The following PCSK5 variants were observed in gnomAD, a reference collection of about 807,000 sequenced individuals.
PCSK5 encodes proprotein convertase subtilisin/kexin type 5, also known as prohormone convertase 5.
Under a neutral mutation model 233.2 loss-of-function variants are expected in PCSK5, and 129 were observed. That is an observed-to-expected ratio of 0.55 (90% confidence interval 0.48 to 0.64). The LOEUF is 0.64. Among genes scored for constraint, PCSK5 ranks in the 30% least tolerant of loss-of-function variants. The pLI is 0.00. For synonymous variants in PCSK5, 825 were observed against 879.2 expected, an observed-to-expected ratio of 0.94 and a Z score of 1.09; for missense variants, 2,076 against 2,430.1, an observed-to-expected ratio of 0.85 and a Z score of 3.06.
In PCSK5 at chr9:76,067,980, G is replaced by A; in HGVS notation, c.658G>A (p.Val220Met). The stretch of plus-strand genomic sequence containing the variant: ...GCATGGGACTCGCTGTGCTGGAGAA[G>A]TGGCAGCCGCTGCAAACAATTCGCA... ...NKHGTRCAGE[V>M]AAAANNSHCT... Residue 220 changes from valine (V) to methionine (M), a missense_variant, in exon 6 of 38, where the codon GTG (valine) becomes ATG (methionine). Coordinates refer to ENST00000674117, the MANE Select transcript of PCSK5 (RefSeq NM_001372043.1). The A allele has an allele frequency of 6.2e-7, 1 of 1,613,996 alleles. No homozygotes were observed. The highest frequency in any genetic ancestry group is 8.5e-7 in the Non-Finnish European group (1 of 1,179,946).
At chr9:76,349,040 G>A (rs1423744619) in intron 35 of PCSK5, among the ~76,000 whole-genome samples, 6 of 152,218 alleles carry the variant, frequency 3.9e-5, no homozygotes, top group Middle Eastern at 6.8e-3. Flanking sequence ...GGGAGGCTGA[G>A]GTGGGAGGAT....
chr9:76,154,338 T>A (rs2131807328), intron 10 of PCSK5, among the ~76,000 whole-genome samples: 1 of 152,310 alleles, frequency 6.6e-6, no homozygotes, highest in Non-Finnish European at 1.5e-5. Context: ...AGTCTCAAGG[T>A]GCTTTTCTAC....
intron 1 of PCSK5, among the ~76,000 whole-genome samples, chr9:75,892,998 T>C (rs1002985215): frequency 6.6e-6 from 1 of 152,162 alleles, no homozygotes; most frequent in African/African-American, 2.4e-5. Context: ...TACTGGCTTC[T>C]TTTTCTCTGG....
chr9:76,261,465 T>A (rs777723179), intron 24 of PCSK5, among the ~76,000 whole-genome samples: 14 of 152,140 alleles, frequency 9.2e-5, no homozygotes, highest in Non-Finnish European at 1.5e-4. Context: ...AGTAGCATTT[T>A]TACACAGCAA....
chr9:75,967,613 G>A (rs1288081096), intron 2 of PCSK5, among the ~76,000 whole-genome samples: 1 of 152,192 alleles, frequency 6.6e-6, no homozygotes, highest in African/African-American at 2.4e-5. Context: ...CAGTTTAGTG[G>A]TAAGAGCATG....
At chr9:76,250,822 G>A (rs909994039) in intron 24 of PCSK5, among the ~76,000 whole-genome samples, 1 of 152,170 alleles carries the variant, frequency 6.6e-6, no homozygotes, top group Non-Finnish European at 1.5e-5. Context: ...TAAAAATAAA[G>A]GGCCTGATAG....
intron 2 of PCSK5, among the ~76,000 whole-genome samples, chr9:75,970,122 C>T (rs2131362817): frequency 6.6e-6 from 1 of 152,236 alleles, no homozygotes; most frequent in African/African-American, 2.4e-5. Context: ...ATCCGCCCAC[C>T]TTGGCCTCCC....
chr9:76,007,937 ATCTCTT>A (rs1486387961), intron 3 of PCSK5, among the ~76,000 whole-genome samples: 3 of 151,808 alleles, frequency 2.0e-5, no homozygotes, highest in Non-Finnish European at 2.9e-5. Flanking sequence ...TCACTTTCAT[ATCTCTT>A]TCTCCATCAA....
At chr9:76,029,458 A>G (rs1362796694) in intron 5 of PCSK5, among the ~76,000 whole-genome samples, 1 of 152,178 alleles carries the variant, frequency 6.6e-6, no homozygotes, top group African/African-American at 2.4e-5. Flanking sequence ...TCCAGTCCTT[A>G]TTTTTATTAA....
intron 6 of PCSK5, among the ~76,000 whole-genome samples, chr9:76,069,696 A>C (rs1034898382): frequency 6.6e-6 from 1 of 152,328 alleles, no homozygotes; most frequent in South Asian, 2.1e-4. Flanking sequence ...ATGACATAGA[A>C]ACTGAATTCA....
At chr9:75,934,793 C>T (rs1349826806) in intron 2 of PCSK5, among the ~76,000 whole-genome samples, 1 of 151,998 alleles carries the variant, frequency 6.6e-6, no homozygotes, top group East Asian at 1.9e-4. Context: ...TGCTGGCTAG[C>T]GACCTCAAGT....
At chr9:76,156,336 C>A (rs568043807) in intron 10 of PCSK5, among the ~76,000 whole-genome samples, 18 of 152,232 alleles carry the variant, frequency 1.2e-4, no homozygotes, top group Admixed American at 8.5e-4. Flanking sequence ...TAACTGAGAA[C>A]CAAAAGATTC....
At position 76,188,562 on chromosome 9, in the gene PCSK5, T is replaced by G; in HGVS notation, c.2283-16T>G. On this transcript the variant is annotated splice_polypyrimidine_tract_variant and intron_variant, in intron 17 of 37. Coordinates refer to ENST00000674117, the MANE Select transcript of PCSK5 (RefSeq NM_001372043.1). ...TCACAACAGTCTGTTTGAAGCTCCCTTTATACTTCTTCCAGCCTGCAGGGA... is the reference window on the plus strand; with the variant it reads ...TCACAACAGTCTGTTTGAAGCTCCCGTTATACTTCTTCCAGCCTGCAGGGA... The G allele has an allele frequency of 6.3e-7, 1 of 1,583,886 alleles. No homozygotes were observed. The highest frequency in any genetic ancestry group is 8.7e-7 in the Non-Finnish European group (1 of 1,152,352).
Position 76,292,253 on chromosome 9 carries a change from T to A in PCSK5, c.3163T>A (p.Ser1055Thr), listed in dbSNP as rs781728110. Reference sequence around the variant, plus strand: ...TCCAGATGATCCAGGAACATGTACATCTTGCGCTATGGGGTATTACAGGTA... The same window carrying A: ...TCCAGATGATCCAGGAACATGTACAACTTGCGCTATGGGGTATTACAGGTA... ...CSLDDPGTCT[S>T]CAMGYYRFDH... Residue 1055 changes from serine (S) to threonine (T), a missense_variant, in exon 25 of 38, where the codon TCT becomes ACT. Ser to Thr is a moderately conservative substitution (Grantham distance 58). Around this residue, in one of 6 missense-constraint regions of PCSK5, gnomAD observed 1,510 missense variants for 1,538.1 expected, o/e 0.98. Transcript: ENST00000674117. 1.6e-5 allele frequency: 25 copies of A among 1,578,370 alleles called. No homozygotes were observed. The highest frequency in any genetic ancestry group is 1.6e-4 in the East Asian group (7 of 44,766).
At chr9:76,248,266 T>A (rs1377681325) in intron 24 of PCSK5, among the ~76,000 whole-genome samples, 3 of 152,152 alleles carry the variant, frequency 2.0e-5, no homozygotes, top group Non-Finnish European at 4.4e-5. Flanking sequence ...TTGAACCAGA[T>A]AAATATTTTA....
intron 3 of PCSK5, among the ~76,000 whole-genome samples, chr9:76,021,153 G>C (rs1828167486): frequency 6.6e-6 from 1 of 152,128 alleles, no homozygotes; most frequent in Admixed American, 6.5e-5. Context: ...CCCCATTTTT[G>C]GGATATAATT....
At chr9:76,294,653 C>A (rs2803420) in intron 25 of PCSK5, among the ~76,000 whole-genome samples, 2 of 151,770 alleles carry the variant, frequency 1.3e-5, no homozygotes, top group Admixed American at 6.6e-5. Context: ...ATCTACCATA[C>A]GAGATTTGTG....
intron 5 of PCSK5, among the ~76,000 whole-genome samples, chr9:76,056,259 C>T (rs1829815424): frequency 6.6e-6 from 1 of 152,056 alleles, no homozygotes; most frequent in South Asian, 2.1e-4. Context: ...AAAGGGTGAC[C>T]CCCTTTGTGT....
rs554125980 is a variant in PCSK5 at position 75,978,825 on chromosome 9, G to A, written c.298-7307G>A. Among the ~76,000 whole-genome samples, 46 of 150,730 alleles carry A rather than the reference G, an allele frequency of 3.1e-4. No individual in the cohort carries two copies. In the South Asian group the frequency reaches 9.7e-3, roughly 32 times the overall value. The stretch of plus-strand genomic sequence containing the variant: ...CTAGTACAATGATCTACATACATCT[G>A]ATGGTGCACTAAGTTGAATTTTAGG... On this transcript the variant is annotated intron_variant, in intron 2 of 37. Coordinates refer to ENST00000674117, the MANE Select transcript of PCSK5 (RefSeq NM_001372043.1).
Sources: gnomAD v4.1 joint callset for allele counts (sites outside exome capture counted in the v4.1 genomes callset) on GRCh38, gnomAD v4.1.1 for gene constraint, gnomAD v4.1.1 regional missense constraint, MANE v1.5 for transcripts, NCBI Gene and HGNC (gene_info 2026-07-23, HGNC 2026-07-21) for gene names.